Variants in KANK2 observed in about 807,000 individuals in gnomAD.
KANK2 encodes the protein KN motif and ankyrin repeat domain-containing protein 2.
Under a neutral mutation model 74.6 loss-of-function variants are expected in KANK2, and 41 were observed. The observed-to-expected ratio is 0.55, with a 90% CI of 0.43 to 0.71. The LOEUF is 0.71. Ranked by LOEUF, KANK2 falls within the 30% of genes least tolerant of loss-of-function variation. The probability of loss-of-function intolerance (pLI) is 0.00; values close to 1 mark genes in which losing one functional copy is unlikely to be tolerated. For synonymous variants in KANK2, 537 were observed against 519.0 expected (o/e 1.03, Z -0.47); for missense variants, 1,148 against 1,196.4 (o/e 0.96, Z 0.60).
rs561614599 is a variant in KANK2, at chr19:11,169,696, G to A, written c.2502+181C>T. ...CACACCTGTTATCCCAGCTACTCAG[G>A]AGGCTGAGGCAGCAGAATGGCTTGA... On this transcript the variant is annotated intron_variant, in intron 12 of 12. Coordinates refer to ENST00000586659, the MANE Select transcript of KANK2 (RefSeq NM_001136191.3). The A allele has an allele frequency of 1.4e-4, 84 of 607,806 alleles. No homozygotes were observed. The African/African-American group carries it at 1.4e-3, about 10-fold the overall frequency. The allele number at this position is 607,806 out of a possible 1,614,324, so 37.7% of individuals were successfully genotyped here.
Position 11,193,030 on chromosome 19 carries a change from G to A in KANK2, c.1050C>T (p.Pro350=), listed in dbSNP as rs143966820. Residue 350 remains proline (P), a synonymous_variant, in exon 4 of 13, where the codon CCC becomes CCT. Coordinates refer to ENST00000586659, the MANE Select transcript of KANK2 (RefSeq NM_001136191.3). The surrounding 1 kb of genome is among the most constrained non-coding windows in gnomAD (Gnocchi z 9.6). Reference sequence around the variant, plus strand: ...GCTCCAGGCTCTGGGCCCGCTGTGCGGGGGCGCCAGCGGCTGTGCTGGCCA... The same window carrying A: ...GCTCCAGGCTCTGGGCCCGCTGTGCAGGGGCGCCAGCGGCTGTGCTGGCCA... ...EVVASTAAGA[P]AQRAQSLEPY... The A allele has an allele frequency of 4.4e-5, 71 of 1,612,220 alleles. No homozygotes were observed. The highest frequency in any genetic ancestry group is 3.5e-4 in the African/African-American group (26 of 74,902).
chr19:11,196,683 G>C (rs966115634), intron 1 of KANK2: 6 of 152,466 alleles, frequency 3.9e-5, no homozygotes, highest in African/African-American at 7.2e-5. Flanking sequence ...AAGGAGACGA[G>C]GGGGTGTGGT....
rs796264491 is a variant in KANK2 at position 11,194,742 on chromosome 19, G to GC, written c.-79-153dup. 6.8e-4 allele frequency: 323 copies of GC among 474,088 alleles called. 1 individual carries two copies. Among genetic ancestry groups the GC allele is most frequent in the African/African-American group, 3.1e-3 (154 of 49,272 alleles). 29.4% of individuals were successfully genotyped at this position (474,088 alleles called of 1,614,324 possible). On this transcript the variant is annotated intron_variant, in intron 2 of 12. Coordinates refer to ENST00000586659, the MANE Select transcript of KANK2 (RefSeq NM_001136191.3). ...GCACACCCAGCCTGGCTGCGGAAGG[G>GC]CCCCCCCCGACCCCCTCCCCCCCGC...
At chr19:11,184,205 G>A (rs746705582) in intron 4 of KANK2, among the ~76,000 whole-genome samples, 1 of 133,644 alleles carries the variant, frequency 7.5e-6, no homozygotes, top group Non-Finnish European at 1.7e-5. Flanking sequence ...GTGAAACCCA[G>A]TCTCTACTGA....
chr19:11,173,434 C>T (rs568493134), intron 9 of KANK2, among the ~76,000 whole-genome samples: 1 of 152,296 alleles, frequency 6.6e-6, no homozygotes, highest in Admixed American at 6.5e-5. Flanking sequence ...CATGTCTCCC[C>T]CATCAGATTG....
At chr19:11,168,524 A>G (rs991157277) in intron 12 of KANK2, among the ~76,000 whole-genome samples, 2 of 151,636 alleles carry the variant, frequency 1.3e-5, no homozygotes, top group African/African-American at 4.8e-5. Context: ...CAATCCTTCC[A>G]TCTCGGCCCC....
chr19:11,192,887 T>C lies in KANK2; in HGVS notation c.1193A>G (p.Asn398Ser). The C allele has an allele frequency of 5.6e-6, 9 of 1,613,588 alleles. No individual in the cohort carries two copies. The highest frequency in any genetic ancestry group is 1.1e-5 in the South Asian group (1 of 91,078). ...GCTAATCTTCTTCACCATATGGACG[T>C]TGCTGGTAGCTGCAGCGGGCACTGG... is the stretch of plus-strand genomic sequence containing the variant. ...MCPVPAAATS[N>S]VHMVKKISIT... The change falls in exon 4 of 13, where the codon AAC becomes AGC. Residue 398 changes from asparagine (N) to serine (S), a missense_variant. By Grantham distance (46) the Asn-to-Ser change is conservative. Coordinates refer to ENST00000586659, the MANE Select transcript of KANK2 (RefSeq NM_001136191.3).
intron 12 of KANK2, among the ~76,000 whole-genome samples, chr19:11,167,603 C>T (rs1048069519): frequency 6.6e-6 from 1 of 151,846 alleles, no homozygotes; most frequent in Non-Finnish European, 1.5e-5. Flanking sequence ...TCTCAGCTCA[C>T]TGCAACCTCT....
At chr19:11,188,754 C>T (rs967630294) in intron 4 of KANK2, among the ~76,000 whole-genome samples, 5 of 151,734 alleles carry the variant, frequency 3.3e-5, no homozygotes, top group Non-Finnish European at 5.9e-5. Flanking sequence ...GAGGCCGAGG[C>T]GGGCAGACCA....
intron 4 of KANK2, among the ~76,000 whole-genome samples, chr19:11,187,578 G>A (rs1417301999): frequency 1.3e-5 from 2 of 151,536 alleles, no homozygotes; most frequent in African/African-American, 4.9e-5. Context: ...TAAATGGATG[G>A]GAAAGAAGAA....
intron 9 of KANK2, among the ~76,000 whole-genome samples, chr19:11,174,226 C>G (rs1328161928): frequency 2.0e-5 from 3 of 152,112 alleles, no homozygotes; most frequent in Non-Finnish European, 4.4e-5. Context: ...ATACCCCACC[C>G]CATTGAACTG....
At position 11,174,691 on chromosome 19, in the gene KANK2, T is replaced by G; in HGVS notation, c.1850A>C (p.Lys617Thr). ...CTGCAGCACTGTGGTGTAGGCCACT[T>G]TCTGCATGCGAGTCAGGTGGGAGAG... ...NPNALTEREL[K>T]VAYTTVLQEW... Residue 617 changes from lysine (K) to threonine (T), a missense_variant and splice_region_variant, in exon 9 of 13, where the codon AAA becomes ACA. Lys to Thr is a moderately conservative substitution (Grantham distance 78). Transcript: ENST00000586659. 6.3e-7 allele frequency: 1 copy of G among 1,596,778 alleles called. No individual in the cohort carries two copies. Among genetic ancestry groups the G allele is most frequent in the Non-Finnish European group, 8.5e-7 (1 of 1,171,732 alleles).
At chr19:11,181,088 CAAAAAAAAAAA>C (rs752985367) in intron 4 of KANK2, among the ~76,000 whole-genome samples, 3 of 24,112 alleles carry the variant, frequency 1.2e-4, no homozygotes, top group African/African-American at 5.3e-4. Flanking sequence ...CTCTTGTCTC[CAAAAAAAAAAA>C]AAAAAAAAAA....
chr19:11,175,321 G>A (rs982397619), intron 8 of KANK2, among the ~76,000 whole-genome samples: 1 of 150,540 alleles, frequency 6.6e-6, no homozygotes, highest in African/African-American at 2.4e-5. Flanking sequence ...CCAGCTACTT[G>A]GGAGGTTGAG....
intron 12 of KANK2, among the ~76,000 whole-genome samples, chr19:11,167,978 C>T (rs189249970): frequency 2.6e-5 from 4 of 151,302 alleles, no homozygotes. Flanking sequence ...CCAATAGCTT[C>T]CCCATCACTC....
At position 11,178,667 on chromosome 19, in the gene KANK2, C is replaced by A; in HGVS notation, c.1303G>T (p.Ala435Ser). 6.4e-7 allele frequency: 1 copy of A among 1,553,824 alleles called. No homozygotes were observed. The highest frequency in any genetic ancestry group is 1.7e-4 in the Middle Eastern group (1 of 5,862). ...CTCTTCTCAGGCTGTGTAAGGGAGG[C>A]TACCTCGGACCCCGGGGGTGACGAA... ...SSSSPPGSEV[A>S]SLTQPEKSTG... Residue 435 changes from alanine to serine, a missense_variant, in exon 5 of 13, where the codon GCC becomes TCC. Physicochemically the swap from Ala to Ser is moderately conservative, Grantham distance 99. Transcript: ENST00000586659.
chr19:11,182,006 C>T lies in KANK2; in HGVS notation c.1250-3286G>A, dbSNP rs1036667644. 8.7e-5 allele frequency among the ~76,000 whole-genome samples: 13 copies of T among 150,232 alleles called. No individual in the cohort carries two copies. In the Admixed American group the frequency reaches 8.7e-4, roughly 10 times the overall value. On this transcript the variant is annotated intron_variant, in intron 4 of 12. Coordinates refer to ENST00000586659, the MANE Select transcript of KANK2 (RefSeq NM_001136191.3). ...GATCTTGGCTCACTGCAACCTCTGC[C>T]TCCTGGGTTCAAGCGATTCTCCTGC... is the stretch of plus-strand genomic sequence containing the variant.
At chr19:11,178,162 T>C (rs1328638535) in intron 6 of KANK2, among the ~76,000 whole-genome samples, 183 bp downstream of exon 6, 1 of 152,100 alleles carries the variant, frequency 6.6e-6, no homozygotes, top group Non-Finnish European at 1.5e-5. Flanking sequence ...GGTCACTGAG[T>C]GAGCTCCAGA....
chr19:11,192,721 C>T (rs752556015), intron 4 of KANK2, 110 bp downstream of exon 4: 1 of 1,380,594 alleles, frequency 7.2e-7, no homozygotes, highest in South Asian at 1.2e-5. Context: ...AGGCATGCGC[C>T]ACCGCACCCT....
Sources: allele counts gnomAD v4.1 joint callset (sites outside exome capture counted in the v4.1 genomes callset), GRCh38; gene constraint gnomAD v4.1.1; non-coding constraint Gnocchi (gnomAD v3.1); transcripts MANE v1.5; gene names NCBI Gene and HGNC (gene_info 2026-07-23, HGNC 2026-07-21).